AKAP11: variants seen among roughly 807,000 people sequenced by gnomAD.
AKAP11 encodes A-kinase anchor protein 11.
A neutral mutation model predicts 146.1 loss-of-function variants in AKAP11; 36 were observed. The observed-to-expected ratio is 0.25, with a 90% CI of 0.19 to 0.33. The LOEUF (loss-of-function observed/expected upper bound fraction) is 0.33, where lower values mean the gene tolerates loss of function less well. Ranked by LOEUF, AKAP11 falls within the 10% of genes least tolerant of loss-of-function variation. AKAP11 has a pLI of 1.00. For synonymous variants in AKAP11, 780 were observed against 786.5 expected (o/e 0.99, Z 0.14); for missense variants, 2,201 against 2,197.0 (o/e 1.00, Z -0.04).
Position 42,317,570 on chromosome 13 carries a change from A to G in AKAP11, c.5447A>G (p.Asp1816Gly). 6.2e-7 allele frequency: 1 copy of G among 1,614,116 alleles called. No homozygotes were observed. Among genetic ancestry groups the G allele is most frequent in the Non-Finnish European group, 8.5e-7 (1 of 1,179,984 alleles). ...AAGACACTGCTAATTACGAATATTGACATGGAGCCATGCACGGTAGACCCC... is the reference window on the plus strand; with the variant it reads ...AAGACACTGCTAATTACGAATATTGGCATGGAGCCATGCACGGTAGACCCC... The part of the protein sequence containing the change: ...DGKTLLITNI[D>G]MEPCTVDPQL... The change falls in exon 12 of 13, where the codon GAC (aspartate) becomes GGC (glycine). Residue 1816 changes from aspartate (D) to glycine (G), a missense_variant. Physicochemically the swap from Asp to Gly is moderately conservative, Grantham distance 94 (BLOSUM62 -1). Around this residue, in one of 3 missense-constraint regions of AKAP11, gnomAD observed 1,867 missense variants for 1,833.5 expected, o/e 1.02. Coordinates refer to ENST00000025301, the MANE Select transcript of AKAP11 (RefSeq NM_016248.4).
At chr13:42,278,013 G>A (rs969356503) in intron 1 of AKAP11, among the ~76,000 whole-genome samples, 2 of 152,212 alleles carry the variant, frequency 1.3e-5, no homozygotes, top group African/African-American at 4.8e-5. Flanking sequence ...TTTGGAGACA[G>A]TTTTGGTTAC....
Position 42,302,803 on chromosome 13 carries a change from C to T in AKAP11, c.4057C>T (p.Leu1353=). The change falls in exon 8 of 13, where the codon CTA becomes TTA. Residue 1353 remains leucine (L), a synonymous_variant. Coordinates refer to ENST00000025301, the MANE Select transcript of AKAP11 (RefSeq NM_016248.4). ...DEYAGHLIQI[L]KQEGGNSELI... ...ATATGCAGGTCACCTTATTCAGATACTAAAACAGGAAGGTGGTAATAGTGA... is the reference window on the plus strand; with the variant it reads ...ATATGCAGGTCACCTTATTCAGATATTAAAACAGGAAGGTGGTAATAGTGA... 9.3e-6 allele frequency: 15 copies of T among 1,613,944 alleles called. No individual in the cohort carries two copies. Among genetic ancestry groups the T allele is most frequent in the Non-Finnish European group, 1.2e-5 (14 of 1,179,986 alleles).
chr13:42,300,626 C>A lies in AKAP11; in HGVS notation c.1880C>A (p.Ala627Asp). The A allele has an allele frequency of 1.2e-6, 2 of 1,613,930 alleles. No homozygotes were observed. Among genetic ancestry groups the A allele is most frequent in the Middle Eastern group, 1.7e-4 (1 of 6,060 alleles). ...NFLVSEALSNALKDLQYVKKQ... is the reference protein window; with the variant it reads ...NFLVSEALSNDLKDLQYVKKQ... ...TTGGTGAGTGAAGCTTTATCAAATG[C>A]CTTAAAAGATTTACAGTATGTAAAG... The change falls in exon 8 of 13, where the codon GCC becomes GAC. Residue 627 changes from alanine (A) to aspartate (D), a missense_variant. Ala to Asp is a moderately radical substitution (Grantham distance 126). Coordinates refer to ENST00000025301, the MANE Select transcript of AKAP11 (RefSeq NM_016248.4).
intron 9 of AKAP11, among the ~76,000 whole-genome samples, chr13:42,309,752 A>G (rs1960458551): frequency 6.6e-6 from 1 of 152,206 alleles, no homozygotes. Flanking sequence ...TTATCTAGAA[A>G]AGGATACTAA....
intron 8 of AKAP11, among the ~76,000 whole-genome samples, chr13:42,305,657 C>T (rs1428797858): frequency 6.6e-6 from 1 of 152,118 alleles, no homozygotes; most frequent in East Asian, 1.9e-4. Flanking sequence ...TCTGTGGCTG[C>T]CTTTGTGCTA....
intron 6 of AKAP11, 125 bp from the exon 7 acceptor site, chr13:42,298,408 C>A (rs890856405): frequency 2.0e-6 from 2 of 991,810 alleles, no homozygotes; most frequent in Non-Finnish European, 2.9e-6. Context: ...AACCAAGGAG[C>A]TTTTCAGGAT....
At chr13:42,298,021 T>G (rs1041539598) in intron 6 of AKAP11, among the ~76,000 whole-genome samples, 4 of 152,104 alleles carry the variant, frequency 2.6e-5, no homozygotes, top group Non-Finnish European at 4.4e-5. Context: ...CTTGTATTTT[T>G]AAAGCTATAA....
chr13:42,276,416 T>A (rs1958919750), intron 1 of AKAP11, among the ~76,000 whole-genome samples: 1 of 152,016 alleles, frequency 6.6e-6, no homozygotes, highest in Non-Finnish European at 1.5e-5. Context: ...CTAGCTAATT[T>A]TTATATTTTT....
In AKAP11 at chr13:42,300,812, A is replaced by G. The variant is rs771466623; in HGVS notation, c.2066A>G (p.Tyr689Cys). ...TTTGAAGACAAAGTAGTGAAGTTGT[A>G]TGCAAAAGATTTGTCTGAATCTGTA... is the stretch of plus-strand genomic sequence containing the variant. The part of the protein sequence containing the change: ...FDFEDKVVKL[Y>C]AKDLSESVIQ... Residue 689 changes from tyrosine (Y) to cysteine (C), a missense_variant, in exon 8 of 13, where the codon TAT becomes TGT. Tyr to Cys is a radical substitution (Grantham distance 194). Around this residue, in one of 3 missense-constraint regions of AKAP11, gnomAD observed 1,867 missense variants for 1,833.5 expected, o/e 1.02. Transcript: ENST00000025301. 36 of 1,614,144 alleles carry G rather than the reference A, an allele frequency of 2.2e-5. No homozygotes were observed. Among genetic ancestry groups the G allele is most frequent in the Non-Finnish European group, 2.8e-5 (33 of 1,179,988 alleles).
chr13:42,298,872 TGTTCA>T lies in AKAP11; in HGVS notation c.616+79_616+83del, dbSNP rs922796804. 15 of 1,414,098 alleles carry T rather than the reference TGTTCA, an allele frequency of 1.1e-5. No individual in the cohort carries two copies. The African/African-American group carries it at 2.1e-4, about 20-fold the overall frequency. The allele number at this position is 1,414,098 out of a possible 1,614,324, so 87.6% of individuals were successfully genotyped here. A position where few individuals can be genotyped will look rare whatever the true frequency, so the allele number is the denominator to read the frequency against. On this transcript the variant is annotated intron_variant, in intron 7 of 12. Transcript: ENST00000025301. Reference sequence around the variant, plus strand: ...AGTTTTGAAAATTTTAAGGCAGGCTTGTTCAGTTGAAATTTATGTTGAGATTTGAT... The same window carrying T: ...AGTTTTGAAAATTTTAAGGCAGGCTTGTTGAAATTTATGTTGAGATTTGAT...
intron 1 of AKAP11, among the ~76,000 whole-genome samples, chr13:42,282,260 CTTTTTTT>C (rs768248255): frequency 2.5e-4 from 28 of 112,390 alleles, no homozygotes; most frequent in African/African-American, 6.7e-4. Flanking sequence ...CTAGGCCAGT[CTTTTTTT>C]TTTTTTTTTT....
At chr13:42,281,873 G>T (rs1217829229) in intron 1 of AKAP11, among the ~76,000 whole-genome samples, 2 of 152,014 alleles carry the variant, frequency 1.3e-5, no homozygotes, top group Non-Finnish European at 2.9e-5. Context: ...ACTTGCATGG[G>T]TGACCACTGG....
At chr13:42,296,069 G>A (rs1280901455) in intron 5 of AKAP11, among the ~76,000 whole-genome samples, 1 of 152,142 alleles carries the variant, frequency 6.6e-6, no homozygotes, top group Non-Finnish European at 1.5e-5. Context: ...TTTGAGATTG[G>A]GATCAGCAAA....
chr13:42,292,581 AT>A, intron 4 of AKAP11, 80 bp downstream of exon 4: 2 of 782,686 alleles, frequency 2.6e-6, no homozygotes, highest in Non-Finnish European at 1.9e-6. Flanking sequence ...TCTATGATCT[AT>A]TTTTAAAATG....
At position 42,308,580 on chromosome 13, in the gene AKAP11, A is replaced by AAGCAGC. The variant is rs1207486838; in HGVS notation, c.5247_5252dup (p.Ser1750_Ser1751dup). The AAGCAGC allele has an allele frequency of 6.2e-7, 1 of 1,612,926 alleles. No homozygotes were observed. The highest frequency in any genetic ancestry group is 8.5e-7 in the Non-Finnish European group (1 of 1,179,256). ...GTTTTGAAGATGAACACCAAGATGA[A>AAGCAGC]AGCAGCAGTTTTCATCATCTAAGTG... On this transcript the variant is annotated inframe_insertion, in exon 9 of 13. Transcript: ENST00000025301.
chr13:42,302,354 C>T lies in AKAP11; in HGVS notation c.3608C>T (p.Ala1203Val). The change falls in exon 8 of 13, where the codon GCT becomes GTT. Residue 1203 changes from alanine (A) to valine (V), a missense_variant. Physicochemically the swap from Ala to Val is moderately conservative, Grantham distance 64. Around this residue, in one of 3 missense-constraint regions of AKAP11, gnomAD observed 1,867 missense variants for 1,833.5 expected, o/e 1.02. Coordinates refer to ENST00000025301, the MANE Select transcript of AKAP11 (RefSeq NM_016248.4). ...GKKVQFAEAL[A>V]THILSLATEM... ...AAGGTTCAGTTTGCAGAAGCATTAG[C>T]TACACACATCCTTTCTCTTGCAACT... is the stretch of plus-strand genomic sequence containing the variant. 18 of 1,614,166 alleles carry T rather than the reference C, an allele frequency of 1.1e-5. No individual in the cohort carries two copies. The highest frequency in any genetic ancestry group is 1.5e-5 in the Non-Finnish European group (18 of 1,180,018).
chr13:42,287,300 T>G (rs114696699), intron 3 of AKAP11, among the ~76,000 whole-genome samples: 5 of 152,074 alleles, frequency 3.3e-5, no homozygotes, highest in African/African-American at 9.7e-5. Flanking sequence ...TTTTTTTTTT[T>G]TGGGACACAG....
Position 42,299,511 on chromosome 13 carries a change from C to T in AKAP11, c.765C>T (p.Val255=), listed in dbSNP as rs919591663. The change falls in exon 8 of 13, where the codon GTC becomes GTT. Residue 255 remains valine, a synonymous_variant. Transcript: ENST00000025301. ...LAKPSTSSVN[V]LGHKELPSVK... Reference sequence around the variant, plus strand: ...AACCCTCAACTTCCTCAGTGAATGTCCTGGGACATAAAGAACTACCTTCTG... The same window carrying T: ...AACCCTCAACTTCCTCAGTGAATGTTCTGGGACATAAAGAACTACCTTCTG... 3 of 1,613,966 alleles carry T rather than the reference C, an allele frequency of 1.9e-6. No homozygotes were observed. Among genetic ancestry groups the T allele is most frequent in the Non-Finnish European group, 2.5e-6 (3 of 1,179,886 alleles).
intron 1 of AKAP11, among the ~76,000 whole-genome samples, chr13:42,278,515 A>G (rs1256186473): frequency 6.6e-6 from 1 of 152,162 alleles, no homozygotes; most frequent in East Asian, 1.9e-4. Context: ...GTTTTCTTCA[A>G]ATAACATCAC....
Sources: gnomAD v4.1 joint callset for allele counts (sites outside exome capture counted in the v4.1 genomes callset) on GRCh38, gnomAD v4.1.1 for gene constraint, gnomAD v4.1.1 regional missense constraint, MANE v1.5 for transcripts, NCBI Gene and HGNC (gene_info 2026-07-23, HGNC 2026-07-21) for gene names.